MEF2C: variants seen among roughly 807,000 people sequenced by gnomAD.
MEF2C encodes the protein myocyte-specific enhancer factor 2C.
MEF2C carries 6 observed loss-of-function variants against 50.5 expected under a neutral mutation model. The ratio of observed to expected loss-of-function variants is 0.12; its 90% CI spans 0.07 to 0.23. MEF2C has a LOEUF of 0.23. MEF2C is among the 10% of genes least tolerant of loss of function. MEF2C has a pLI of 1.00. For synonymous variants in MEF2C, 183 were observed against 228.0 expected, an observed-to-expected ratio of 0.80 and a Z score of 1.78; for missense variants, 276 against 605.0, an observed-to-expected ratio of 0.46 and a Z score of 5.70.
intron 3 of MEF2C, chr5:88,775,734 A>G: frequency 1.3e-6 from 1 of 760,896 alleles, no homozygotes; most frequent in Non-Finnish European, 1.6e-6. Context: ...TATTATGCAG[A>G]TGATAATATT....
intron 2 of MEF2C, chr5:88,817,710 C>A (rs1270227822): frequency 1.3e-5 from 2 of 151,926 alleles, no homozygotes; most frequent in Non-Finnish European, 2.9e-5. Context: ...AAATATATTT[C>A]TTTCTTAACT....
At chr5:88,784,281 A>T (rs1245584256) in intron 3 of MEF2C, among the ~76,000 whole-genome samples, 1 of 152,228 alleles carries the variant, frequency 6.6e-6, no homozygotes, top group Non-Finnish European at 1.5e-5. Context: ...AATCAATATC[A>T]GCTACATAAT....
rs58856249 is a variant in MEF2C, at chr5:88,779,601, TTG to T, written c.259-18275_259-18274del. On this transcript the variant is annotated intron_variant, in intron 3 of 10. Transcript: ENST00000504921. ...TGAATATATGTAGGTTTGTGTAGGTTTGTGTGTGTGTGTGTGTGTGTGTGTGT... is the reference window on the plus strand; with the variant it reads ...TGAATATATGTAGGTTTGTGTAGGTTTGTGTGTGTGTGTGTGTGTGTGTGT... 2.0e-3 allele frequency among the ~76,000 whole-genome samples: 293 copies of T among 147,738 alleles called. 1 individual carries two copies. Among genetic ancestry groups the T allele is most frequent in the African/African-American group, 2.7e-3 (110 of 40,238 alleles).
chr5:88,903,283 AG>A (rs1159536933), intron 1 of MEF2C, among the ~76,000 whole-genome samples: 2 of 151,996 alleles, frequency 1.3e-5, no homozygotes, highest in Non-Finnish European at 2.9e-5. Flanking sequence ...CTCTTTGTAA[AG>A]TAATGAGAAA....
intron 3 of MEF2C, among the ~76,000 whole-genome samples, chr5:88,797,205 G>T (rs758329495): frequency 6.6e-6 from 1 of 152,076 alleles, no homozygotes; most frequent in Non-Finnish European, 1.5e-5. Context: ...TCGCTGTTCT[G>T]TCTAATATTG....
intron 6 of MEF2C, chr5:88,742,103 C>T: frequency 1.0e-6 from 1 of 985,390 alleles, no homozygotes; most frequent in South Asian, 4.7e-5. Context: ...TCTTGGCTGA[C>T]AGCCTTGAAG....
chr5:88,798,118 T>C (rs565364592), intron 3 of MEF2C, among the ~76,000 whole-genome samples: 130 of 152,130 alleles, frequency 8.5e-4, no homozygotes, highest in African/African-American at 3.0e-3. Context: ...TGATTGTGTC[T>C]TGGGGTTGCT....
chr5:88,863,065 G>A (rs1302662506), intron 1 of MEF2C, among the ~76,000 whole-genome samples: 1 of 152,146 alleles, frequency 6.6e-6, no homozygotes, highest in Non-Finnish European at 1.5e-5. Flanking sequence ...ACTTTTTTCT[G>A]GAGTACTGCC....
intron 2 of MEF2C, among the ~76,000 whole-genome samples, chr5:88,822,140 A>C (rs1191587424): frequency 6.6e-6 from 1 of 151,940 alleles, no homozygotes; most frequent in African/African-American, 2.4e-5. Flanking sequence ...AACCTGCAAA[A>C]ATTTTCTTCT....
At chr5:88,839,405 A>T (rs1816500634) in intron 1 of MEF2C, 2 of 151,726 alleles carry the variant, frequency 1.3e-5, no homozygotes, top group South Asian at 4.2e-4. Context: ...TCAATTTCAG[A>T]TGCTAGGCAG....
At chr5:88,873,792 A>C (rs998470696) in intron 1 of MEF2C, among the ~76,000 whole-genome samples, 2 of 148,194 alleles carry the variant, frequency 1.3e-5, no homozygotes. Flanking sequence ...AAAAATAGTC[A>C]AAATTATTTA....
chr5:88,819,384 C>G (rs142550782), intron 2 of MEF2C: 1 of 985,116 alleles, frequency 1.0e-6, no homozygotes, highest in Non-Finnish European at 1.2e-6. Flanking sequence ...CTTAACAGGA[C>G]CTTCAAAGCT....
At chr5:88,900,368 ATG>A (rs1463153186) in intron 1 of MEF2C, among the ~76,000 whole-genome samples, 1 of 151,892 alleles carries the variant, frequency 6.6e-6, no homozygotes, top group South Asian at 2.1e-4. Context: ...ACATATACTT[ATG>A]TGTTAGTATA....
intron 6 of MEF2C, chr5:88,741,871 C>A: frequency 1.0e-6 from 1 of 985,374 alleles, no homozygotes; most frequent in Non-Finnish European, 1.2e-6. Flanking sequence ...ACAGTGAACA[C>A]TTAGCACCTT....
intron 1 of MEF2C, chr5:88,880,931 T>C (rs999505390): frequency 6.6e-6 from 1 of 152,194 alleles, no homozygotes; most frequent in African/African-American, 2.4e-5. Flanking sequence ...TACACTTTAA[T>C]ATTATCTTTC....
intron 1 of MEF2C, chr5:88,878,159 G>C (rs1487647850): frequency 6.6e-6 from 1 of 151,994 alleles, no homozygotes; most frequent in Non-Finnish European, 1.5e-5. Flanking sequence ...TGAGTCAGGA[G>C]AACTAAATGA....
chr5:88,749,451 C>T (rs1308697374), intron 5 of MEF2C: 7 of 984,700 alleles, frequency 7.1e-6, no homozygotes, highest in Non-Finnish European at 8.4e-6. Context: ...GTAAGGTCTA[C>T]TATATGCTCA....
At chr5:88,773,064 C>T (rs747097853) in intron 3 of MEF2C, among the ~76,000 whole-genome samples, 15 of 152,244 alleles carry the variant, frequency 9.9e-5, no homozygotes, top group Non-Finnish European at 1.8e-4. Flanking sequence ...TAAGTCACAG[C>T]CGCCTGTGGC....
At chr5:88,882,206 G>A (rs1043502483) in intron 1 of MEF2C, among the ~76,000 whole-genome samples, 1 of 152,194 alleles carries the variant, frequency 6.6e-6, no homozygotes, top group Admixed American at 6.5e-5. Context: ...TTATCATCGA[G>A]TTTGGTAACT....
Sources: gnomAD v4.1 joint callset for allele counts (sites outside exome capture counted in the v4.1 genomes callset) on GRCh38, gnomAD v4.1.1 for gene constraint, MANE v1.5 for transcripts, NCBI Gene and HGNC (gene_info 2026-07-23, HGNC 2026-07-21) for gene names.